ABCG5: variants seen among roughly 807,000 people sequenced by gnomAD.
ABCG5 encodes ATP binding cassette subfamily G member 5, also known as ATP-binding cassette sub-family G member 5.
Under a neutral mutation model 64.5 loss-of-function variants are expected in ABCG5, and 64 were observed. The observed-to-expected ratio is 0.99, with a 90% CI of 0.81 to 1.22. ABCG5 has a LOEUF of 1.22. Among genes scored for constraint, ABCG5 ranks in the 50% most tolerant of loss-of-function variants. The pLI is 0.00. For synonymous variants in ABCG5, 385 were observed against 326.3 expected (o/e 1.18, Z -1.94); for missense variants, 908 against 829.5 (o/e 1.09, Z -1.16).
At chr2:43,816,470 A>G (rs1315992379) in intron 11 of ABCG5, among the ~76,000 whole-genome samples, 1 of 152,178 alleles carries the variant, frequency 6.6e-6, no homozygotes, top group Non-Finnish European at 1.5e-5. Context: ...GCACAGACAG[A>G]AGGAGAAGCA....
chr2:43,837,798 C>A lies in ABCG5; in HGVS notation c.265+36G>T, dbSNP rs1458086125. ...TCTTCAATGTGGAGTTTAACTCAAG[C>A]CAAATCCTTTTTAGAATCCTCCTTC... On this transcript the variant is annotated intron_variant, in intron 2 of 12. Transcript: ENST00000405322. 4.3e-6 allele frequency: 7 copies of A among 1,612,748 alleles called. No homozygotes were observed. The East Asian group carries it at 1.3e-4, about 31-fold the overall frequency.
chr2:43,836,775 C>A (rs536516574), intron 2 of ABCG5, among the ~76,000 whole-genome samples: 2 of 152,070 alleles, frequency 1.3e-5, no homozygotes, highest in African/African-American at 4.8e-5. Flanking sequence ...ATGTGGAGAA[C>A]GGGCAGTGGA....
intron 4 of ABCG5, among the ~76,000 whole-genome samples, chr2:43,828,877 A>C (rs925603485): frequency 2.7e-5 from 4 of 146,960 alleles, no homozygotes; most frequent in Admixed American, 6.9e-5. Flanking sequence ...AGGCAGGAGA[A>C]TTGCTTGAAC....
chr2:43,825,091 C>T (rs1667511414), intron 6 of ABCG5, 73 bp from the exon 7 acceptor site: 1 of 1,576,746 alleles, frequency 6.3e-7, no homozygotes. Flanking sequence ...TCTGGGAACA[C>T]TGATGCAGGG....
At chr2:43,825,502 GA>G (rs1301753614) in intron 6 of ABCG5, among the ~76,000 whole-genome samples, 19 of 152,198 alleles carry the variant, frequency 1.2e-4, no homozygotes, top group African/African-American at 4.1e-4. Context: ...TGATTTCGTG[GA>G]AAAACACAGC....
intron 5 of ABCG5, 21 bp downstream of exon 5, chr2:43,827,962 A>G: frequency 6.2e-7 from 1 of 1,613,744 alleles, no homozygotes; most frequent in South Asian, 1.1e-5. Flanking sequence ...GCAGCTAGTA[A>G]CAGTTCTGGG....
chr2:43,809,604 G>C, downstream of ABCG5: 1 of 746,172 alleles, frequency 1.3e-6, no homozygotes, highest in South Asian at 1.6e-5. Context: ...ATGCTACTAA[G>C]GATTCATTGA....
chr2:43,831,818 G>A lies in ABCG5; in HGVS notation c.452C>T (p.Thr151Ile), dbSNP rs1028572835. The A allele has an allele frequency of 1.3e-6, 2 of 1,589,912 alleles. No individual in the cohort carries two copies. Among genetic ancestry groups the A allele is most frequent in the Non-Finnish European group, 1.7e-6 (2 of 1,170,410 alleles). ...GCCGCGGCGGATGGCCAGCAGCGCG[G>A]TGTAGTGCAGCGTCTCGCGCACGGT... ...SLTVRETLHY[T>I]ALLAIRRGNP... is the part of the protein sequence containing the mutation. Residue 151 changes from threonine to isoleucine, a missense_variant, in exon 4 of 13, where the codon ACC (threonine) becomes ATC (isoleucine). Transcript: ENST00000405322.
chr2:43,807,822 A>G (rs761499701), downstream of ABCG5, among the ~76,000 whole-genome samples: 1 of 145,766 alleles, frequency 6.9e-6, no homozygotes, highest in Non-Finnish European at 1.5e-5. Context: ...AACCACAGTT[A>G]TCTTCGGAAA....
downstream of ABCG5, among the ~76,000 whole-genome samples, chr2:43,809,244 A>G (rs1412437501): frequency 6.6e-6 from 1 of 152,108 alleles, no homozygotes; most frequent in Non-Finnish European, 1.5e-5. Flanking sequence ...CTCCTGCCCC[A>G]GCCTCCCAAA....
rs1045159643 is a variant in ABCG5 at position 43,838,194 on chromosome 2, G to A, written c.144-239C>T. The A allele has an allele frequency of 1.3e-5, 8 of 604,878 alleles. No homozygotes were observed. Among genetic ancestry groups the A allele is most frequent in the East Asian group, 1.1e-4 (4 of 35,060 alleles). The allele number at this position is 604,878 out of a possible 1,614,324, so 37.5% of individuals were successfully genotyped here. A position where few individuals can be genotyped will look rare whatever the true frequency, so the allele number is the denominator to read the frequency against. ...CTGAATGTCCTGTCCGTTTGGCTGC[G>A]AGGTGGCTGTCCCTGCATTCTTTCA... On this transcript the variant is annotated intron_variant, in intron 1 of 12. Transcript: ENST00000405322. The surrounding 1 kb of genome is among the most constrained non-coding windows in gnomAD (Gnocchi z 4.2).
intron 6 of ABCG5, among the ~76,000 whole-genome samples, 194 bp from the exon 7 acceptor site, chr2:43,825,212 C>T (rs998115224): frequency 6.6e-6 from 1 of 152,112 alleles, no homozygotes; most frequent in Non-Finnish European, 1.5e-5. Flanking sequence ...TGGAGACATT[C>T]GAAATGCATC....
chr2:43,822,585 T>G (rs1376502332), intron 10 of ABCG5: 1 of 985,156 alleles, frequency 1.0e-6, no homozygotes, highest in Non-Finnish European at 1.2e-6. Flanking sequence ...TGTCATCTTG[T>G]TGGTTTGTTC....
In ABCG5 at chr2:43,828,041, GC is replaced by G. The variant is rs762031825; in HGVS notation, c.575del (p.Gly192AlafsTer35). The G allele has an allele frequency of 2.0e-5, 32 of 1,613,966 alleles. No homozygotes were observed. The highest frequency in any genetic ancestry group is 2.6e-5 in the Non-Finnish European group (31 of 1,180,044). ...DRLIGNYSLG[G>X]ISTGERRRVS... ...CCCGGCGCCGCTCACCCGTGGAAAT[GC>G]CCCCCAAGCTGTAGTTGCCAATCAG... On this transcript the variant is annotated frameshift_variant, in exon 5 of 13. Coordinates refer to ENST00000405322, the MANE Select transcript of ABCG5 (RefSeq NM_022436.3). LOFTEE classifies it high-confidence loss of function.
chr2:43,815,050 C>G (rs963846323), intron 11 of ABCG5, among the ~76,000 whole-genome samples: 2 of 152,090 alleles, frequency 1.3e-5, no homozygotes, highest in African/African-American at 4.8e-5. Context: ...TATAAACGTA[C>G]AAGAAAATAC....
At chr2:43,823,061 G>A in intron 9 of ABCG5, 126 bp from the exon 10 acceptor site, 1 of 1,309,908 alleles carries the variant, frequency 7.6e-7, no homozygotes, top group Non-Finnish European at 1.1e-6. Context: ...GGGTTCCCTA[G>A]TCATAGAAGG....
At chr2:43,834,285 C>T (rs1328066487) in intron 2 of ABCG5, among the ~76,000 whole-genome samples, 2 of 152,234 alleles carry the variant, frequency 1.3e-5, no homozygotes, top group African/African-American at 2.4e-5. Flanking sequence ...CTGGCAGAAG[C>T]TGCAAATATC....
At chr2:43,834,089 T>C (rs1208523220) in intron 2 of ABCG5, among the ~76,000 whole-genome samples, 1 of 152,146 alleles carries the variant, frequency 6.6e-6, no homozygotes, top group Non-Finnish European at 1.5e-5. Context: ...TTGACAAAAC[T>C]CAGAAATAGC....
chr2:43,817,491 GAAAC>G (rs1204313485), intron 11 of ABCG5, among the ~76,000 whole-genome samples: 7 of 150,756 alleles, frequency 4.6e-5, no homozygotes, highest in Admixed American at 4.6e-4. Flanking sequence ...TCTGCGTCAA[GAAAC>G]AAACAAAAAT....
Sources: gnomAD v4.1 joint callset for allele counts (sites outside exome capture counted in the v4.1 genomes callset) on GRCh38, gnomAD v4.1.1 for gene constraint, Gnocchi (gnomAD v3.1) non-coding constraint, MANE v1.5 for transcripts, NCBI Gene and HGNC (gene_info 2026-07-23, HGNC 2026-07-21) for gene names.